PRDM7: variants seen among roughly 807,000 people sequenced by gnomAD.
PRDM7 encodes the protein histone-lysine N-methyltransferase PRDM7.
Under a neutral mutation model 64.3 loss-of-function variants are expected in PRDM7, and 52 were observed. That is an observed-to-expected ratio of 0.81 (90% confidence interval 0.65 to 1.02). PRDM7 has a LOEUF of 1.02. Among genes scored for constraint, PRDM7 ranks in the 50% least tolerant of loss-of-function variants. PRDM7 has a pLI of 0.00. For synonymous variants in PRDM7, 192 were observed against 210.1 expected (o/e 0.91, Z 0.74); for missense variants, 574 against 597.1 (o/e 0.96, Z 0.40).
rs1274675066 is a variant in PRDM7, at chr16:90,060,490, C to T, written c.1084G>A (p.Gly362Ser). 6.2e-7 allele frequency: 1 copy of T among 1,613,766 alleles called. No homozygotes were observed. The highest frequency in any genetic ancestry group is 8.5e-7 in the Non-Finnish European group (1 of 1,179,850). Residue 362 changes from glycine to serine, a missense_variant, in exon 10 of 11, where the codon GGC (glycine) becomes AGC (serine). Transcript: ENST00000449207. ...GAAGATCTGATGCCCAGTTCCTGGC[C>T]ATACTCATCCCCAGACCAGACCAGC... is the stretch of plus-strand genomic sequence containing the variant. ...ELLVWSGDEYGQELGIRSSIE... is the reference protein window; with the variant it reads ...ELLVWSGDEYSQELGIRSSIE...
intron 5 of PRDM7, 49 bp from the exon 6 acceptor site, chr16:90,063,817 T>C: frequency 6.3e-7 from 1 of 1,599,522 alleles, no homozygotes; most frequent in South Asian, 1.1e-5. Context: ...TTTATTTAGT[T>C]CTTTACGGCT....
In PRDM7 at chr16:90,057,326, ACT is replaced by A. The variant is rs1387768462; in HGVS notation, c.*961_*962del. The stretch of plus-strand genomic sequence containing the variant: ...CCAGGGAGCTCTCTTTCCTGCTGCG[ACT>A]CTGTAAAACCCTACATTTCTCTTCC... On this transcript the variant is annotated 3_prime_UTR_variant, in exon 11 of 11. Coordinates refer to ENST00000449207, the MANE Select transcript of PRDM7 (RefSeq NM_001098173.2). 1.3e-5 allele frequency: 2 copies of A among 154,138 alleles called. No individual in the cohort carries two copies. Among genetic ancestry groups the A allele is most frequent in the Non-Finnish European group, 2.9e-5 (2 of 69,490 alleles). 9.5% of individuals were successfully genotyped at this position (154,138 alleles called of 1,614,324 possible). A position where few individuals can be genotyped will look rare whatever the true frequency, so the allele number is the denominator to read the frequency against.
At chr16:90,076,436 T>A (rs2038037518) in intron 1 of PRDM7, among the ~76,000 whole-genome samples, 1 of 138,568 alleles carries the variant, frequency 7.2e-6, no homozygotes, top group Non-Finnish European at 1.7e-5. Flanking sequence ...GATCTCTACC[T>A]GGGGATTCTA....
rs1220807953 is a variant in PRDM7, at chr16:90,067,008, A to G, written c.302-98T>C. ...GATATGGAGTCTCCCTCTGTCGCCC[A>G]GGCTGGAGTGCAGTGGCACAATCTC... On this transcript the variant is annotated intron_variant, in intron 4 of 10. Transcript: ENST00000449207. 17 of 1,031,766 alleles carry G rather than the reference A, an allele frequency of 1.6e-5. No individual in the cohort carries two copies. In the East Asian group the frequency reaches 4.7e-4, roughly 29 times the overall value. The allele number at this position is 1,031,766 out of a possible 1,614,324, so 63.9% of individuals were successfully genotyped here.
chr16:90,064,180 G>C (rs1193003657), intron 5 of PRDM7, among the ~76,000 whole-genome samples: 2 of 152,060 alleles, frequency 1.3e-5, no homozygotes, highest in African/African-American at 4.8e-5. Context: ...GAGGTAATAG[G>C]GCAGTAAGGT....
At chr16:90,068,570 G>A (rs2037912899) in intron 4 of PRDM7, among the ~76,000 whole-genome samples, 1 of 149,640 alleles carries the variant, frequency 6.7e-6, no homozygotes. Flanking sequence ...TGGAAGTGGA[G>A]CTTGTAGTGA....
At chr16:90,071,252 C>A (rs12923514) in intron 4 of PRDM7, among the ~76,000 whole-genome samples, 3 of 151,958 alleles carry the variant, frequency 2.0e-5, no homozygotes, top group Admixed American at 6.6e-5. Context: ...CTACCTCAAC[C>A]TCCCAAGTAG....
chr16:90,076,051 A>G (rs7500106), intron 1 of PRDM7, 56 bp from the exon 2 acceptor site: 1 of 954,236 alleles, frequency 1.0e-6, no homozygotes, highest in African/African-American at 1.6e-5. Context: ...TACCCAGAAC[A>G]AGGCTCTGTC....
rs529160322 is a variant in PRDM7 at position 90,067,812 on chromosome 16, G to A, written c.302-902C>T. On this transcript the variant is annotated intron_variant, in intron 4 of 10. Coordinates refer to ENST00000449207, the MANE Select transcript of PRDM7 (RefSeq NM_001098173.2). The stretch of plus-strand genomic sequence containing the variant: ...TCACCGTGTTAGCCAGGATGGTCTC[G>A]GTCTCCTGACCTTGTGATCCTCCCA... Among the ~76,000 whole-genome samples the A allele has an allele frequency of 1.5e-4, 23 of 150,740 alleles. No individual in the cohort carries two copies. In the South Asian group the frequency reaches 4.6e-3, roughly 30 times the overall value.
chr16:90,075,157 G>T lies in PRDM7; in HGVS notation c.194-134C>A. 7.5e-7 allele frequency: 1 copy of T among 1,342,182 alleles called. No individual in the cohort carries two copies. The highest frequency in any genetic ancestry group is 1.4e-5 in the African/African-American group (1 of 69,178). 83.1% of individuals were successfully genotyped at this position (1,342,182 alleles called of 1,614,324 possible). ...CTGGGAGAGTCTTGAACAAGGTCAA[G>T]ATGTGACCTCTGCATGGTCAGTATC... On this transcript the variant is annotated intron_variant, in intron 3 of 10. Coordinates refer to ENST00000449207, the MANE Select transcript of PRDM7 (RefSeq NM_001098173.2). The surrounding 1 kb of genome is among the most constrained non-coding windows in gnomAD (Gnocchi z 4.3).
chr16:90,072,390 A>T (rs187236299), intron 4 of PRDM7, among the ~76,000 whole-genome samples: 78 of 152,342 alleles, frequency 5.1e-4, no homozygotes, highest in Non-Finnish European at 8.8e-4. Flanking sequence ...GTAGAATATT[A>T]TTCAGCCTTA....
chr16:90,066,723 A>G, intron 5 of PRDM7, 138 bp downstream of exon 5: 4 of 702,696 alleles, frequency 5.7e-6, no homozygotes, highest in Non-Finnish European at 9.8e-6. Flanking sequence ...TAAAATAATG[A>G]TGATGGCAGA....
At position 90,060,387 on chromosome 16, in the gene PRDM7, G is replaced by GC. The variant is rs779745062; in HGVS notation, c.1186dup (p.Ala396GlyfsTer292). 14 of 1,613,672 alleles carry GC rather than the reference G, an allele frequency of 8.7e-6. No individual in the cohort carries two copies. The highest frequency in any genetic ancestry group is 1.6e-4 in the Middle Eastern group (1 of 6,078). On this transcript the variant is annotated frameshift_variant, in exon 10 of 11. Transcript: ENST00000449207. LOFTEE classifies it high-confidence loss of function. ...TCTTCCACTTGCTGCCCCACTTGAT[G>GC]CCCAGTTCCTGGCCATACTCATCCC...
intron 5 of PRDM7, among the ~76,000 whole-genome samples, chr16:90,065,159 TG>T (rs1332872150): frequency 6.7e-6 from 1 of 150,258 alleles, no homozygotes; most frequent in Non-Finnish European, 1.5e-5. Context: ...CCCAGCACTT[TG>T]GGAGGCCAAG....
At chr16:90,076,987 C>T (rs1411602673) in intron 1 of PRDM7, among the ~76,000 whole-genome samples, 1 of 151,882 alleles carries the variant, frequency 6.6e-6, no homozygotes, top group Non-Finnish European at 1.5e-5. Context: ...AATTGTGGCT[C>T]CTCAGGCTCA....
At chr16:90,067,501 G>A (rs1461102019) in intron 4 of PRDM7, among the ~76,000 whole-genome samples, 5 of 150,502 alleles carry the variant, frequency 3.3e-5, no homozygotes, top group Non-Finnish European at 7.4e-5. Context: ...TTTTTAAAAC[G>A]TAAATTGACC....
intron 4 of PRDM7, among the ~76,000 whole-genome samples, chr16:90,067,589 C>CT (rs1220091658): frequency 0.12 from 14,831 of 126,494 alleles, 1,910 homozygotes; most frequent in East Asian, 0.6. Flanking sequence ...AAGAAAAGCC[C>CT]TTTTTTTTTT....
intron 5 of PRDM7, among the ~76,000 whole-genome samples, chr16:90,066,615 A>G (rs1597688229): frequency 2.0e-5 from 3 of 151,176 alleles, no homozygotes. Flanking sequence ...AATAGGTACT[A>G]TATGTAAAGT....
Position 90,062,166 on chromosome 16 carries a change from T to C in PRDM7, c.637A>G (p.Ile213Val), listed in dbSNP as rs778400576. 11 of 1,614,114 alleles carry C rather than the reference T, an allele frequency of 6.8e-6. No homozygotes were observed. In the East Asian group the frequency reaches 1.1e-4, roughly 16 times the overall value. Residue 213 changes from isoleucine (I) to valine (V), a missense_variant, in exon 8 of 11, where the codon ATT becomes GTT. By Grantham distance (29) the Ile-to-Val change is conservative. Coordinates refer to ENST00000449207, the MANE Select transcript of PRDM7 (RefSeq NM_001098173.2). ...LYCEMCQNFF[I>V]DSCAAHGPPT... ...GGCCCATGAGCAGCACAGCTGTCAA[T>C]GAAGAAGTTCTGACACATCTCACAA...
Sources: allele counts gnomAD v4.1 joint callset (sites outside exome capture counted in the v4.1 genomes callset), GRCh38; gene constraint gnomAD v4.1.1; non-coding constraint Gnocchi (gnomAD v3.1); transcripts MANE v1.5; gene names NCBI Gene and HGNC (gene_info 2026-07-23, HGNC 2026-07-21).